The following HACD3 variants were observed in gnomAD, a reference collection of about 807,000 sequenced individuals.
HACD3 encodes the protein very-long-chain (3R)-3-hydroxyacyl-CoA dehydratase 3.
Under a neutral mutation model 55.2 loss-of-function variants are expected in HACD3, and 30 were observed. The observed-to-expected ratio is 0.54, with a 90% CI of 0.41 to 0.74. HACD3 has a LOEUF of 0.74. HACD3 is among the 30% of genes least tolerant of loss of function. HACD3 has a pLI of 0.00. For missense variants in HACD3, 363 were observed against 440.1 expected (o/e 0.82, Z 1.57); for synonymous variants, 141 against 151.7 (o/e 0.93, Z 0.52).
intron 5 of HACD3, among the ~76,000 whole-genome samples, chr15:65,561,929 A>G (rs2072248274): frequency 6.6e-6 from 1 of 152,192 alleles, no homozygotes; most frequent in Admixed American, 6.5e-5. Flanking sequence ...GAACTCAGGG[A>G]AACACATTTG....
Position 65,572,218 on chromosome 15 carries a change from C to T in HACD3, c.881-17C>T, listed in dbSNP as rs2072355000. ...CTGTTTCATTTGCTTCTAACAAGTT[C>T]TTGTTTCTGTTTTCAGCTGTCTCAG... is the stretch of plus-strand genomic sequence containing the variant. On this transcript the variant is annotated splice_polypyrimidine_tract_variant and intron_variant, in intron 9 of 10. Coordinates refer to ENST00000261875, the MANE Select transcript of HACD3 (RefSeq NM_016395.4). 1 of 1,610,248 alleles carries T rather than the reference C, an allele frequency of 6.2e-7. No homozygotes were observed. Among genetic ancestry groups the T allele is most frequent in the Admixed American group, 1.7e-5 (1 of 59,128 alleles).
At position 65,578,203 on chromosome 15, in the gene HACD3, G is replaced by A. The variant is rs917181335; in HGVS notation, c.*1824G>A. 1 of 152,172 alleles carries A rather than the reference G, an allele frequency of 6.6e-6. No homozygotes were observed. Among genetic ancestry groups the A allele is most frequent in the African/African-American group, 2.4e-5 (1 of 41,432 alleles). 9.4% of individuals were successfully genotyped at this position (152,172 alleles called of 1,614,324 possible). A position where few individuals can be genotyped will look rare whatever the true frequency, so the allele number is the denominator to read the frequency against. ...TTCTGATATTCTTGCAGCTGACTACGTGTAATTGGGCAGATCAGCTTTGCA... is the reference window on the plus strand; with the variant it reads ...TTCTGATATTCTTGCAGCTGACTACATGTAATTGGGCAGATCAGCTTTGCA... On this transcript the variant is annotated 3_prime_UTR_variant, in exon 11 of 11. Coordinates refer to ENST00000261875, the MANE Select transcript of HACD3 (RefSeq NM_016395.4).
intron 1 of HACD3, among the ~76,000 whole-genome samples, chr15:65,546,305 T>G (rs2072076565): frequency 2.0e-5 from 3 of 152,228 alleles, no homozygotes; most frequent in Non-Finnish European, 4.4e-5. Context: ...CAATTGTTCA[T>G]GTAGATTTTT....
chr15:65,530,519 G>A lies in HACD3; in HGVS notation c.-113G>A. ...GGTATCTCGAGGTGCCGGGTTGCAG[G>A]CGCTCAGGAGCGCTAGGGTTTGAGG... On this transcript the variant is annotated 5_prime_UTR_variant, in exon 1 of 11. Coordinates refer to ENST00000261875, the MANE Select transcript of HACD3 (RefSeq NM_016395.4). 1.1e-6 allele frequency: 1 copy of A among 917,732 alleles called. No individual in the cohort carries two copies. The highest frequency in any genetic ancestry group is 3.3e-5 in the East Asian group (1 of 30,364). The allele number at this position is 917,732 out of a possible 1,614,324, so 56.8% of individuals were successfully genotyped here.
intron 1 of HACD3, among the ~76,000 whole-genome samples, chr15:65,548,654 C>G (rs1351144810): frequency 6.6e-6 from 1 of 152,042 alleles, no homozygotes; most frequent in African/African-American, 2.4e-5. Flanking sequence ...CTCACTGCAG[C>G]TTCGACCTCC....
At chr15:65,557,821 T>C (rs1410087811) in intron 4 of HACD3, among the ~76,000 whole-genome samples, 1 of 152,246 alleles carries the variant, frequency 6.6e-6, no homozygotes, top group Non-Finnish European at 1.5e-5. Context: ...ATATTATTTA[T>C]TTTGTTGCTC....
Position 65,570,070 on chromosome 15 carries a change from T to C in HACD3, c.661-21T>C, listed in dbSNP as rs760819877. On this transcript the variant is annotated intron_variant, in intron 7 of 10. Transcript: ENST00000261875. ...CATATATTTTATTAACTTTTTTCTC[T>C]CTTTTGGGTCTTTCTAATAGCTTCT... 7.5e-6 allele frequency: 11 copies of C among 1,467,356 alleles called. No individual in the cohort carries two copies. The Admixed American group carries it at 9.9e-5, about 13-fold the overall frequency. 90.9% of individuals were successfully genotyped at this position (1,467,356 alleles called of 1,614,324 possible).
intron 8 of HACD3, among the ~76,000 whole-genome samples, chr15:65,570,703 G>A (rs1475389598): frequency 2.0e-5 from 3 of 152,106 alleles, no homozygotes; most frequent in African/African-American, 7.2e-5. Context: ...TTTAAGAAAT[G>A]GATCTAGTTA....
intron 1 of HACD3, among the ~76,000 whole-genome samples, chr15:65,538,210 T>C (rs796447533): frequency 2.0e-4 from 30 of 152,200 alleles, no homozygotes; most frequent in African/African-American, 7.0e-4. Flanking sequence ...AGGTAGTGAT[T>C]CTGTGATGGA....
chr15:65,555,111 A>C (rs1337757022), intron 3 of HACD3, among the ~76,000 whole-genome samples, 151 bp downstream of exon 3: 1 of 152,254 alleles, frequency 6.6e-6, no homozygotes, highest in African/African-American at 2.4e-5. Flanking sequence ...CCCAGGTTTT[A>C]GCTGCAGAGG....
intron 1 of HACD3, among the ~76,000 whole-genome samples, chr15:65,539,258 C>T (rs897357843): frequency 4.2e-5 from 6 of 144,442 alleles, no homozygotes; most frequent in Admixed American, 2.8e-4. Flanking sequence ...CTCACCGTGT[C>T]ACCCCAGGCT....
At position 65,577,912 on chromosome 15, in the gene HACD3, TCCAAGTAAA is replaced by T. The variant is rs2072424669; in HGVS notation, c.*1543_*1551del. 2 of 152,560 alleles carry T rather than the reference TCCAAGTAAA, an allele frequency of 1.3e-5. No homozygotes were observed. The highest frequency in any genetic ancestry group is 1.3e-4 in the Admixed American group (2 of 15,282). The allele number at this position is 152,560 out of a possible 1,614,324, so 9.5% of individuals were successfully genotyped here. A position where few individuals can be genotyped will look rare whatever the true frequency, so the allele number is the denominator to read the frequency against. On this transcript the variant is annotated 3_prime_UTR_variant, in exon 11 of 11. Transcript: ENST00000261875. ...AAAACATCAGTTTCCTCTCATACAT[TCCAAGTAAA>T]CCAAGTAAAATAAGTGTTGGAGTAA...
chr15:65,570,051 T>A (rs775766587), intron 7 of HACD3, 40 bp from the exon 8 acceptor site: 1 of 1,331,484 alleles, frequency 7.5e-7, no homozygotes, highest in East Asian at 2.3e-5. Context: ...TTTACATATA[T>A]TTTATTAACT....
intron 1 of HACD3, among the ~76,000 whole-genome samples, chr15:65,532,377 A>G (rs952747560): frequency 2.6e-5 from 4 of 152,160 alleles, no homozygotes; most frequent in African/African-American, 4.8e-5. Flanking sequence ...TGTAATGCCA[A>G]CACTTTGGGA....
At chr15:65,548,704 C>G (rs1183198135) in intron 1 of HACD3, among the ~76,000 whole-genome samples, 5 of 151,872 alleles carry the variant, frequency 3.3e-5, no homozygotes, top group African/African-American at 1.2e-4. Flanking sequence ...TCCCAAGTAG[C>G]TGGGACCGCA....
chr15:65,541,485 G>A (rs1362073643), intron 1 of HACD3, among the ~76,000 whole-genome samples: 2 of 152,174 alleles, frequency 1.3e-5, no homozygotes, highest in Admixed American at 1.3e-4. Flanking sequence ...GAAACATGTG[G>A]TATCTCAGTA....
At chr15:65,569,734 T>C (rs533226617) in intron 7 of HACD3, among the ~76,000 whole-genome samples, 1 of 152,328 alleles carries the variant, frequency 6.6e-6, no homozygotes, top group South Asian at 2.1e-4. Flanking sequence ...CATGGAATTA[T>C]TAACACATGA....
chr15:65,551,946 A>G, intron 2 of HACD3: 1 of 295,960 alleles, frequency 3.4e-6, no homozygotes, highest in East Asian at 6.3e-5. Context: ...CAGTGAAGGA[A>G]AAAAAAAAAA....
chr15:65,547,153 G>A (rs925687142), intron 1 of HACD3, among the ~76,000 whole-genome samples: 14 of 151,616 alleles, frequency 9.2e-5, no homozygotes, highest in African/African-American at 3.1e-4. Context: ...GTCTCACTCT[G>A]TCACCGAGGC....
Sources: gnomAD v4.1 joint callset for allele counts (sites outside exome capture counted in the v4.1 genomes callset) on GRCh38, gnomAD v4.1.1 for gene constraint, MANE v1.5 for transcripts, NCBI Gene and HGNC (gene_info 2026-07-23, HGNC 2026-07-21) for gene names.